FMN1: variants seen among roughly 807,000 people sequenced by gnomAD.
FMN1 encodes the protein formin 1, also known as formin-1.
A neutral mutation model predicts 132.4 loss-of-function variants in FMN1; 110 were observed. That is an observed-to-expected ratio of 0.83 (90% CI 0.71 to 0.97). The LOEUF is 0.97. Ranked by LOEUF, FMN1 falls within the 50% of genes least tolerant of loss-of-function variation. The probability of loss-of-function intolerance (pLI) is 0.00; values close to 1 mark genes in which losing one functional copy is unlikely to be tolerated. For synonymous variants in FMN1, 722 were observed against 651.7 expected (o/e 1.11, Z -1.64); for missense variants, 1,792 against 1,705.3 (o/e 1.05, Z -0.90).
At chr15:33,096,844 C>T (rs778696423) in intron 4 of FMN1, among the ~76,000 whole-genome samples, 16 of 152,122 alleles carry the variant, frequency 1.1e-4, no homozygotes, top group Admixed American at 2.6e-4. Context: ...TAAAGCAATC[C>T]GCCAGCCTTG....
chr15:33,068,628 AGCTTTTT>A, intron 5 of FMN1, among the ~76,000 whole-genome samples: 1 of 108,482 alleles, frequency 9.2e-6, no homozygotes, highest in Non-Finnish European at 2.2e-5. Context: ...CTGCCCTTGA[AGCTTTTT>A]TTAAGTGCTT....
At chr15:32,840,862 T>C (rs973675035) in intron 17 of FMN1, among the ~76,000 whole-genome samples, 1 of 152,178 alleles carries the variant, frequency 6.6e-6, no homozygotes, top group Admixed American at 6.5e-5. Context: ...TTCTAAACAG[T>C]GGGAGAATCG....
intron 4 of FMN1, among the ~76,000 whole-genome samples, chr15:33,125,720 T>A (rs1047600365): frequency 1.4e-5 from 2 of 147,714 alleles, no homozygotes; most frequent in Non-Finnish European, 3.0e-5. Flanking sequence ...AAAAAAAAAA[T>A]TAAGAATGAA....
At chr15:32,956,972 A>G (rs1225203289) in intron 9 of FMN1, among the ~76,000 whole-genome samples, 2 of 152,116 alleles carry the variant, frequency 1.3e-5, no homozygotes, top group Non-Finnish European at 2.9e-5. Flanking sequence ...AATTACAATC[A>G]ATGCTGAAGG....
chr15:33,089,970 T>C (rs1276106976), intron 4 of FMN1, among the ~76,000 whole-genome samples: 1 of 152,214 alleles, frequency 6.6e-6, no homozygotes. Context: ...TAATTCTATA[T>C]AATAGGGTTT....
At chr15:33,131,710 C>T (rs1963557546) in intron 4 of FMN1, among the ~76,000 whole-genome samples, 1 of 152,124 alleles carries the variant, frequency 6.6e-6, no homozygotes, top group African/African-American at 2.4e-5. Flanking sequence ...GATAGGCCAT[C>T]AGGAAACTGA....
intron 19 of FMN1, among the ~76,000 whole-genome samples, chr15:32,779,361 A>C (rs1434863000): frequency 6.6e-6 from 1 of 152,248 alleles, no homozygotes; most frequent in Non-Finnish European, 1.5e-5. Context: ...TTAATTCAGC[A>C]TGATAGTATT....
At chr15:32,898,563 C>A (rs994314034) in intron 15 of FMN1, among the ~76,000 whole-genome samples, 6 of 152,156 alleles carry the variant, frequency 3.9e-5, no homozygotes, top group African/African-American at 1.4e-4. Flanking sequence ...ACCTCACAAT[C>A]TGGCCATAAA....
At chr15:33,012,301 A>G in intron 6 of FMN1, 1 of 762,222 alleles carries the variant, frequency 1.3e-6, no homozygotes, top group Non-Finnish European at 2.4e-6. Flanking sequence ...GGTTTGTCTC[A>G]TATGCCACCG....
chr15:33,153,449 T>G lies in FMN1; in HGVS notation c.1466A>C (p.Lys489Thr). Reference protein sequence around the residue: ...GPDSSQPRGDKKKPSPPAPAA... With the variant: ...GPDSSQPRGDTKKPSPPAPAA... ...CGGTGCTGGTGGGGATGGCTTCTTC[T>G]TATCACCTCTGGGTTGTGAGGAGTC... The change falls in exon 4 of 21, where the codon AAG (lysine) becomes ACG (threonine). Residue 489 changes from lysine (K) to threonine (T), a missense_variant. Lys to Thr is a moderately conservative substitution (Grantham distance 78). Transcript: ENST00000616417. The G allele has an allele frequency of 6.5e-7, 1 of 1,536,772 alleles. No individual in the cohort carries two copies. The highest frequency in any genetic ancestry group is 8.7e-7 in the Non-Finnish European group (1 of 1,147,020).
rs531785379 is a variant in FMN1 at position 32,959,483 on chromosome 15, A to G, written c.3138+4624T>C. Among the ~76,000 whole-genome samples the G allele has an allele frequency of 3.0e-4, 45 of 152,346 alleles. No individual in the cohort carries two copies. In the South Asian group the frequency reaches 9.1e-3, roughly 31 times the overall value. ...TAAAACCTCAGCTCTAAGGTAGGAC[A>G]CAAAGCTCACTGAAAACTCTAAGCT... On this transcript the variant is annotated intron_variant, in intron 9 of 20. Coordinates refer to ENST00000616417, the MANE Select transcript of FMN1 (RefSeq NM_001277313.2).
intron 7 of FMN1, among the ~76,000 whole-genome samples, chr15:32,979,278 C>T (rs554208632): frequency 2.0e-5 from 3 of 152,082 alleles, no homozygotes; most frequent in African/African-American, 4.8e-5. Context: ...ACCATTCGCC[C>T]GGCATGGTGG....
chr15:33,127,365 G>C (rs1234022888), intron 4 of FMN1, among the ~76,000 whole-genome samples: 1 of 151,574 alleles, frequency 6.6e-6, no homozygotes, highest in Non-Finnish European at 1.5e-5. Flanking sequence ...ACTTGACTCT[G>C]TTCATACACA....
intron 6 of FMN1, among the ~76,000 whole-genome samples, chr15:33,036,709 A>T (rs1032431286): frequency 6.6e-6 from 1 of 152,228 alleles, no homozygotes; most frequent in Non-Finnish European, 1.5e-5. Flanking sequence ...CAGGGTTATA[A>T]TAAGTATTAA....
chr15:32,968,913 G>GT lies in FMN1; in HGVS notation c.2787dup (p.Leu930ThrfsTer3). ...TTGGGTGGGGCAGGGGAGTTAGGAAGTGGGGGTGGGGGTGGGGGTGGTGGA... is the reference window on the plus strand; with the variant it reads ...TTGGGTGGGGCAGGGGAGTTAGGAAGTTGGGGGTGGGGGTGGGGGTGGTGGA... On this transcript the variant is annotated frameshift_variant, in exon 8 of 21. Transcript: ENST00000616417. LOFTEE classifies it high-confidence loss of function. 1.4e-6 allele frequency: 1 copy of GT among 725,958 alleles called. No homozygotes were observed. The highest frequency in any genetic ancestry group is 2.7e-5 in the East Asian group (1 of 36,756). The allele number at this position is 725,958 out of a possible 1,614,324, so 45.0% of individuals were successfully genotyped here. A position where few individuals can be genotyped will look rare whatever the true frequency, so the allele number is the denominator to read the frequency against.
intron 15 of FMN1, among the ~76,000 whole-genome samples, chr15:32,890,147 A>C (rs1324070508): frequency 1.5e-5 from 2 of 129,402 alleles, no homozygotes; most frequent in African/African-American, 3.2e-5. Flanking sequence ...ATATATATAT[A>C]TCAGTTTCTT....
chr15:33,033,849 C>G (rs773149611), intron 6 of FMN1, among the ~76,000 whole-genome samples: 25 of 152,164 alleles, frequency 1.6e-4, no homozygotes, highest in Admixed American at 7.2e-4. Flanking sequence ...AATTCTCACT[C>G]CTTACTTCAT....
intron 16 of FMN1, among the ~76,000 whole-genome samples, chr15:32,861,911 T>A (rs2059278571): frequency 6.6e-6 from 1 of 152,062 alleles, no homozygotes; most frequent in Non-Finnish European, 1.5e-5. Context: ...CTGAAACCAG[T>A]ACAAACGAGA....
chr15:32,794,678 G>C (rs1333667321), intron 19 of FMN1, among the ~76,000 whole-genome samples: 1 of 152,168 alleles, frequency 6.6e-6, no homozygotes, highest in Non-Finnish European at 1.5e-5. Context: ...ATAATCTATT[G>C]ATTTAACAGG....
Sources: gnomAD v4.1 joint callset for allele counts (sites outside exome capture counted in the v4.1 genomes callset) on GRCh38, gnomAD v4.1.1 for gene constraint, MANE v1.5 for transcripts, NCBI Gene and HGNC (gene_info 2026-07-23, HGNC 2026-07-21) for gene names.